Variants in PDXDC1 observed in about 807,000 individuals in gnomAD.
PDXDC1 encodes pyridoxal-dependent decarboxylase domain-containing protein 1.
PDXDC1 carries 42 observed loss-of-function variants against 100.1 expected under a neutral mutation model. The observed-to-expected ratio is 0.42, with a 90% confidence interval of 0.33 to 0.54. The LOEUF (loss-of-function observed/expected upper bound fraction) is 0.54. PDXDC1 is among the 20% of genes least tolerant of loss of function. The probability of loss-of-function intolerance (pLI) is 0.10; values close to 1 mark genes in which losing one functional copy is unlikely to be tolerated. For synonymous variants in PDXDC1, 260 were observed against 371.7 expected (o/e 0.70, Z 3.46); for missense variants, 636 against 979.2 (o/e 0.65, Z 4.68).
At chr16:15,141,399 C>T (rs374146387), downstream of PDXDC1, among the ~76,000 whole-genome samples, 1 of 152,256 alleles carries the variant, frequency 6.6e-6, no homozygotes, top group East Asian at 1.9e-4. Context: ...CGAGCCCTCA[C>T]CTGGGCTGGG....
downstream of PDXDC1, chr16:15,041,548 G>T: frequency 1.0e-6 from 1 of 969,096 alleles, no homozygotes; most frequent in Non-Finnish European, 1.7e-6. Flanking sequence ...GCCGGTGCTT[G>T]GGCCCACTGC....
At chr16:15,058,113 G>C (rs547185353) in intron 16 of PDXDC1, among the ~76,000 whole-genome samples, 2 of 152,002 alleles carry the variant, frequency 1.3e-5, no homozygotes, top group African/African-American at 4.8e-5. Flanking sequence ...AGTTCGAGAC[G>C]AGCCTGGACA....
At chr16:15,096,699 T>G (rs2046368235) in intron 16 of PDXDC1, among the ~76,000 whole-genome samples, 1 of 152,274 alleles carries the variant, frequency 6.6e-6, no homozygotes, top group Non-Finnish European at 1.5e-5. Context: ...TTGTTTTGGT[T>G]TGAGACAGGA....
At chr16:15,003,736 A>G (rs1258730786) in intron 4 of PDXDC1, among the ~76,000 whole-genome samples, 2 of 152,250 alleles carry the variant, frequency 1.3e-5, no homozygotes, top group African/African-American at 4.8e-5. Context: ...TAATCCCAGC[A>G]CTTTGGGAGG....
intron 16 of PDXDC1, among the ~76,000 whole-genome samples, chr16:15,052,477 C>A (rs1178272727): frequency 1.3e-5 from 2 of 152,154 alleles, no homozygotes; most frequent in Admixed American, 1.3e-4. Flanking sequence ...TTTATCAATT[C>A]TTCCTTTATA....
intron 16 of PDXDC1, chr16:15,091,214 G>C: frequency 6.9e-7 from 1 of 1,453,438 alleles, no homozygotes; most frequent in Non-Finnish European, 9.4e-7. Context: ...GAGGACCATG[G>C]AGAGAGCAAG....
chr16:14,995,482 G>A (rs1971764758), intron 1 of PDXDC1, among the ~76,000 whole-genome samples: 1 of 152,294 alleles, frequency 6.6e-6, no homozygotes, highest in East Asian at 1.9e-4. Context: ...TGCATCCCAG[G>A]GATGAAGCCC....
At chr16:15,064,868 G>A (rs986930980) in intron 16 of PDXDC1, among the ~76,000 whole-genome samples, 2 of 152,154 alleles carry the variant, frequency 1.3e-5, no homozygotes, top group South Asian at 2.1e-4. Context: ...CATGTATCAC[G>A]TTTAAATCCA....
chr16:15,005,317 A>AAAAAAAAG (rs5816114), intron 5 of PDXDC1, among the ~76,000 whole-genome samples: 1,824 of 146,474 alleles, frequency 0.012, 11 homozygotes, highest in East Asian at 0.034. Context: ...AAAAAAAAAA[A>AAAAAAAAG]AAAGAAAACT....
intron 16 of PDXDC1, among the ~76,000 whole-genome samples, chr16:15,069,637 T>C (rs570297371): frequency 1.4e-4 from 21 of 152,306 alleles, no homozygotes; most frequent in East Asian, 9.7e-4. Flanking sequence ...CCACTAACCA[T>C]GTGATCTTGG....
chr16:14,999,854 C>CT (rs1303691956), intron 3 of PDXDC1, among the ~76,000 whole-genome samples: 45 of 149,920 alleles, frequency 3.0e-4, no homozygotes, highest in South Asian at 1.9e-3. Context: ...CTGAGACAAA[C>CT]TTTTTTTTTT....
chr16:14,975,800 C>T (rs1265822222), intron 1 of PDXDC1, among the ~76,000 whole-genome samples: 2 of 152,270 alleles, frequency 1.3e-5, no homozygotes, highest in Non-Finnish European at 2.9e-5. Context: ...TAACCGCCAC[C>T]GCCCCGCTCC....
intron 16 of PDXDC1, chr16:15,080,084 G>A: frequency 2.5e-6 from 4 of 1,597,624 alleles, no homozygotes; most frequent in Non-Finnish European, 3.4e-6. Context: ...AGTAAGTTAT[G>A]AACGTAACAT....
At chr16:14,995,019 A>G (rs1971656264) in intron 1 of PDXDC1, among the ~76,000 whole-genome samples, 1 of 152,304 alleles carries the variant, frequency 6.6e-6, no homozygotes, top group Non-Finnish European at 1.5e-5. Flanking sequence ...GAAGTTGCCT[A>G]TCAGTTTAAG....
chr16:15,016,294 T>C (rs2041792217), intron 9 of PDXDC1, 81 bp downstream of exon 9: 7 of 1,558,836 alleles, frequency 4.5e-6, no homozygotes, highest in Admixed American at 4.3e-5. Context: ...GCTCTCACTT[T>C]GGTGACATTT....
At chr16:15,095,513 C>T (rs1239163543) in intron 16 of PDXDC1, among the ~76,000 whole-genome samples, 3 of 152,120 alleles carry the variant, frequency 2.0e-5, no homozygotes, top group Admixed American at 2.0e-4. Flanking sequence ...GCTTGGGCAA[C>T]AGAGTGAGAC....
chr16:15,093,921 A>G lies in PDXDC1; in HGVS notation c.1400-44958A>G, dbSNP rs563626026. 1,752 of 546,004 alleles carry G rather than the reference A, an allele frequency of 3.2e-3. 23 individuals are homozygous for G. The highest frequency in any genetic ancestry group is 0.027 in the African/African-American group (1,380 of 50,598). 33.8% of individuals were successfully genotyped at this position (546,004 alleles called of 1,614,324 possible). A position where few individuals can be genotyped will look rare whatever the true frequency, so the allele number is the denominator to read the frequency against. The stretch of plus-strand genomic sequence containing the variant: ...AATCACGAAGAGACACAGTCGGGAA[A>G]GGGGGCCTCCAGAACAGAGAACATA... On this transcript the variant is annotated intron_variant, in intron 16 of 16. Transcript: ENST00000535621.
rs140196420 is a variant in PDXDC1, at chr16:15,085,014, C to T, written c.1400-53865C>T. 2.0e-3 allele frequency among the ~76,000 whole-genome samples: 300 copies of T among 151,802 alleles called. 2 individuals carry two copies. Among genetic ancestry groups the T allele is most frequent in the Middle Eastern group, 0.01 (3 of 294 alleles). ...CTGGGAGGTGAAGGCTGCAGCGAAC[C>T]GAGATCACACCACTATACTCCAGCC... On this transcript the variant is annotated intron_variant, in intron 16 of 16. Coordinates refer to the PDXDC1 transcript ENST00000535621.
intron 1 of PDXDC1, among the ~76,000 whole-genome samples, chr16:14,981,841 T>C (rs1197673082): frequency 6.6e-6 from 1 of 152,248 alleles, no homozygotes; most frequent in Non-Finnish European, 1.5e-5. Flanking sequence ...TTTCTTTTTT[T>C]TTTTTGAGAT....
Sources: gnomAD v4.1 joint callset for allele counts (sites outside exome capture counted in the v4.1 genomes callset) on GRCh38, gnomAD v4.1.1 for gene constraint, MANE v1.5 for transcripts, NCBI Gene and HGNC (gene_info 2026-07-23, HGNC 2026-07-21) for gene names.